The following MTERF4 variants were observed in gnomAD, a reference collection of about 807,000 sequenced individuals.
MTERF4 encodes mitochondrial transcription termination factor 4, also known as transcription termination factor 4, mitochondrial.
In MTERF4, 17 loss-of-function variants were observed where a neutral mutation model predicts 22.5. That is an observed-to-expected ratio of 0.75 (90% CI 0.52 to 1.13). MTERF4 has a LOEUF of 1.13. Among genes scored for constraint, MTERF4 ranks in the 50% most tolerant of loss-of-function variants. MTERF4 has a pLI of 0.00. For synonymous variants in MTERF4, 165 were observed against 175.3 expected (o/e 0.94, Z 0.47); for missense variants, 420 against 466.8 (o/e 0.90, Z 0.92).
At chr2:241,070,644 G>T (rs1314222499), downstream of MTERF4, among the ~76,000 whole-genome samples, 4 of 152,226 alleles carry the variant, frequency 2.6e-5, no homozygotes, top group East Asian at 7.7e-4. Context: ...ATGCTGGGGA[G>T]CAGAGGCACA....
At chr2:241,050,149 T>C in the MTERF4 span, 1 of 597,830 alleles carries the variant, frequency 1.7e-6, no homozygotes, top group Non-Finnish European at 3.1e-6. Flanking sequence ...TGCTGGTCAT[T>C]ACCTTGCTCT....
At chr2:241,053,359 G>A in the MTERF4 span, 1 of 1,533,878 alleles carries the variant, frequency 6.5e-7, no homozygotes, top group Non-Finnish European at 8.8e-7. Context: ...TGGGGCAGGT[G>A]GGGCCCACAC....
downstream of MTERF4, chr2:241,090,480 C>A: frequency 2.0e-6 from 3 of 1,510,152 alleles, no homozygotes; most frequent in Non-Finnish European, 2.7e-6. Flanking sequence ...ATAGTAAATA[C>A]GTAAACCAGT....
chr2:241,072,331 G>A, exon 5 of MTERF4: 1 of 408,596 alleles, frequency 2.4e-6, no homozygotes, highest in Non-Finnish European at 4.9e-6. Context: ...CAAGGCTGAT[G>A]GGCCCAGGTG....
At position 241,073,167 on chromosome 2, in the gene MTERF4, C is replaced by T. The variant is rs892603497; in HGVS notation, n.2995G>A. The T allele has an allele frequency of 1.7e-5, 14 of 841,342 alleles. No homozygotes were observed. Among genetic ancestry groups the T allele is most frequent in the African/African-American group, 1.0e-4 (6 of 58,858 alleles). The allele number at this position is 841,342 out of a possible 1,614,324, so 52.1% of individuals were successfully genotyped here. ...GAGCCTGGTCCCCACCAGGGACATC[C>T]GTGCTCCCTGAGATATAGAAGCACT... On this transcript the variant is annotated non_coding_transcript_exon_variant, in exon 5 of 5. Transcript: ENST00000464344. This position sits in a 1 kb window ranked among gnomAD's most constrained non-coding sequence, Gnocchi z 6.6.
intron 4 of MTERF4, among the ~76,000 whole-genome samples, chr2:241,076,732 A>C (rs2063036790): frequency 6.6e-6 from 1 of 152,188 alleles, no homozygotes; most frequent in South Asian, 2.1e-4. Flanking sequence ...CATTTAGATC[A>C]GTGGAAAAGA....
intron 4 of MTERF4, chr2:241,081,702 C>A (rs1325251623): frequency 6.2e-7 from 1 of 1,608,160 alleles, no homozygotes; most frequent in Non-Finnish European, 8.5e-7. Context: ...GTTCAGAAAA[C>A]CCCTGTCAGA....
At chr2:241,076,331 A>G (rs1484647292) in intron 4 of MTERF4, among the ~76,000 whole-genome samples, 1 of 152,210 alleles carries the variant, frequency 6.6e-6, no homozygotes, top group South Asian at 2.1e-4. Flanking sequence ...GTAAAGTTTT[A>G]TATGGAATTC....
At chr2:241,088,185 G>A (rs889984561), downstream of MTERF4, 16 of 593,980 alleles carry the variant, frequency 2.7e-5, no homozygotes, top group African/African-American at 1.3e-4. Flanking sequence ...CAAGCCAGGC[G>A]GGCGCACACA....
At position 241,073,743 on chromosome 2, in the gene MTERF4, G is replaced by A. The variant is rs1460391701; in HGVS notation, n.2419C>T. On this transcript the variant is annotated non_coding_transcript_exon_variant, in exon 5 of 5. Coordinates refer to the MTERF4 transcript ENST00000464344. This position sits in a 1 kb window ranked among gnomAD's most constrained non-coding sequence, Gnocchi z 6.6. ...CTCCAAAGAGGAGCAGGCGGAGTCA[G>A]GATGGGAGAAGCAGAGGGAGCAGCC... The A allele has an allele frequency of 1.3e-5, 5 of 398,022 alleles. No homozygotes were observed. Among genetic ancestry groups the A allele is most frequent in the Non-Finnish European group, 4.5e-6 (1 of 222,298 alleles). The allele number at this position is 398,022 out of a possible 1,614,324, so 24.7% of individuals were successfully genotyped here.
downstream of MTERF4, among the ~76,000 whole-genome samples, chr2:241,070,676 G>A (rs751400166): frequency 6.6e-6 from 1 of 152,222 alleles, no homozygotes; most frequent in South Asian, 2.1e-4. Context: ...GCTCGGAGTG[G>A]GGACAGATGC....
At chr2:241,049,155 G>A in the MTERF4 span, 27 of 1,592,230 alleles carry the variant, frequency 1.7e-5, no homozygotes, top group South Asian at 2.3e-5. Context: ...TCGGGGACGA[G>A]CCTGCTGGGC....
At chr2:241,101,819 G>T (rs2064722009) in intron 1 of MTERF4, among the ~76,000 whole-genome samples, 2 of 152,214 alleles carry the variant, frequency 1.3e-5, no homozygotes, top group African/African-American at 4.8e-5. Context: ...TTGGGAGTTC[G>T]AGGCGGGTGG....
chr2:241,049,994 C>G, the MTERF4 span: 750 of 1,209,830 alleles, frequency 6.2e-4, 2 homozygotes, highest in Middle Eastern at 0.013. Context: ...CGCGGTCCGC[C>G]GTCCTGCTTC....
intron 4 of MTERF4, among the ~76,000 whole-genome samples, chr2:241,076,830 G>A (rs1210153628): frequency 2.0e-5 from 3 of 152,038 alleles, no homozygotes; most frequent in Admixed American, 6.5e-5. Flanking sequence ...AGTGGCTCAG[G>A]CCTGTAATCC....
Position 241,099,428 on chromosome 2 carries a change from G to A in MTERF4, c.488C>T (p.Ser163Phe). The change falls in exon 2 of 4, where the codon TCC becomes TTC. Residue 163 changes from serine to phenylalanine, a missense_variant. By Grantham distance (155) the Ser-to-Phe change is radical. Transcript: ENST00000391980. ...KLPIMQMRKR[S>F]SYLQKLGLGE... ...AAGCCCAAGCTTTTGCAGGTAACTG[G>A]AGCGCTTCCTCATTTGCATAATAGG... 5 of 1,613,990 alleles carry A rather than the reference G, an allele frequency of 3.1e-6. No individual in the cohort carries two copies. The highest frequency in any genetic ancestry group is 4.2e-6 in the Non-Finnish European group (5 of 1,179,980).
At chr2:241,100,764 G>A (rs964582061) in intron 1 of MTERF4, among the ~76,000 whole-genome samples, 1 of 152,020 alleles carries the variant, frequency 6.6e-6, no homozygotes, top group Non-Finnish European at 1.5e-5. Flanking sequence ...TTATGTTGTC[G>A]GTAAGGCTTC....
chr2:241,089,506 C>A, downstream of MTERF4: 1 of 1,410,702 alleles, frequency 7.1e-7, no homozygotes, highest in Non-Finnish European at 9.5e-7. Flanking sequence ...CGGAGCTCCG[C>A]ACATGGCAGG....
chr2:241,090,159 G>A, downstream of MTERF4: 1 of 1,460,358 alleles, frequency 6.8e-7, no homozygotes, highest in Non-Finnish European at 9.1e-7. Context: ...CTGTACGGAT[G>A]TTCAAAATTG....
Sources: allele counts gnomAD v4.1 joint callset (sites outside exome capture counted in the v4.1 genomes callset), GRCh38; gene constraint gnomAD v4.1.1; non-coding constraint Gnocchi (gnomAD v3.1); transcripts MANE v1.5; gene names NCBI Gene and HGNC (gene_info 2026-07-23, HGNC 2026-07-21).